Variants in DLGAP2 observed in about 807,000 individuals in gnomAD.
The protein encoded by DLGAP2 is disks large-associated protein 2.
A neutral mutation model predicts 100.3 loss-of-function variants in DLGAP2; 26 were observed. The observed-to-expected ratio is 0.26, with a 90% confidence interval of 0.19 to 0.36. The LOEUF is 0.36. DLGAP2 is among the 10% of genes least tolerant of loss of function. DLGAP2 has a pLI of 1.00. For missense variants in DLGAP2, 1,858 were observed against 1,453.2 expected (o/e 1.28, Z -4.53); for synonymous variants, 886 against 630.1 (o/e 1.41, Z -6.08).
intron 3 of DLGAP2, among the ~76,000 whole-genome samples, chr8:1,365,817 C>T (rs1802095910): frequency 6.6e-6 from 1 of 152,220 alleles, no homozygotes; most frequent in Admixed American, 6.5e-5. Context: ...TGTCTCATGT[C>T]GGGGCCCTGG....
At chr8:938,161 G>A (rs1799114276) in intron 2 of DLGAP2, among the ~76,000 whole-genome samples, 1 of 152,144 alleles carries the variant, frequency 6.6e-6, no homozygotes, top group African/African-American at 2.4e-5. Flanking sequence ...AGGCCACAAA[G>A]CTCAATGACA....
intron 2 of DLGAP2, among the ~76,000 whole-genome samples, chr8:1,142,730 T>C (rs1044304426): frequency 5.3e-5 from 8 of 152,088 alleles, no homozygotes; most frequent in African/African-American, 1.7e-4. Flanking sequence ...CCCTGCATTA[T>C]TGGAGTCAGG....
intron 1 of DLGAP2, among the ~76,000 whole-genome samples, chr8:814,595 C>T (rs540156912): frequency 9.2e-5 from 14 of 151,866 alleles, no homozygotes; most frequent in Non-Finnish European, 8.8e-5. Flanking sequence ...ATTAGAAATA[C>T]TATGAACGTT....
At chr8:1,490,281 C>A (rs1009045714) in intron 3 of DLGAP2, among the ~76,000 whole-genome samples, 1 of 152,204 alleles carries the variant, frequency 6.6e-6, no homozygotes, top group Admixed American at 6.5e-5. Flanking sequence ...ATAATTAGAG[C>A]TGTGATTGCT....
intron 2 of DLGAP2, among the ~76,000 whole-genome samples, chr8:1,189,650 G>C (rs2116725618): frequency 6.6e-6 from 1 of 152,338 alleles, no homozygotes; most frequent in South Asian, 2.1e-4. Flanking sequence ...CCCCATGCCT[G>C]GAAACGGGAT....
intron 8 of DLGAP2, among the ~76,000 whole-genome samples, chr8:1,663,143 TGTGA>T (rs1225305963): frequency 7.7e-6 from 1 of 129,926 alleles, no homozygotes; most frequent in African/African-American, 3.0e-5. Context: ...TGTGTGTATG[TGTGA>T]GTGTGGGGGA....
At chr8:1,417,094 T>C (rs1017396452) in intron 3 of DLGAP2, among the ~76,000 whole-genome samples, 1 of 6,804 alleles carries the variant, frequency 1.5e-4, no homozygotes, top group Non-Finnish European at 2.6e-4. Context: ...GGTGGGGGGA[T>C]GGGGGGGTGG....
intron 5 of DLGAP2, among the ~76,000 whole-genome samples, chr8:1,564,833 T>C (rs930494513): frequency 7.9e-5 from 12 of 151,712 alleles, no homozygotes; most frequent in Non-Finnish European, 5.9e-5. Context: ...ATATATTGCA[T>C]GCACAGGCAG....
At chr8:1,591,195 A>G (rs1490974531) in intron 6 of DLGAP2, among the ~76,000 whole-genome samples, 1 of 152,048 alleles carries the variant, frequency 6.6e-6, no homozygotes, top group African/African-American at 2.4e-5. Context: ...TTCCTATTCA[A>G]AGTTCTGTTC....
intron 2 of DLGAP2, among the ~76,000 whole-genome samples, chr8:1,151,756 T>A (rs1796701621): frequency 6.6e-6 from 1 of 152,222 alleles, no homozygotes; most frequent in South Asian, 2.1e-4. Flanking sequence ...ATCCCCAGGA[T>A]CAGGCATTTA....
chr8:1,156,385 C>T (rs1289412629), intron 2 of DLGAP2, among the ~76,000 whole-genome samples: 8 of 152,296 alleles, frequency 5.3e-5, no homozygotes, highest in Admixed American at 4.6e-4. Context: ...TCACTCTGGA[C>T]GCCCCTGGGT....
At position 1,569,353 on chromosome 8, in the gene DLGAP2, C is replaced by T. The variant is rs115927218; in HGVS notation, c.1442+3459C>T. ...AATCATTCTTTTTCCCTAAATCTGA[C>T]GCCGTGTTGTAGATAATAAAGCAGA... On this transcript the variant is annotated intron_variant, in intron 6 of 14. Coordinates refer to ENST00000637795, the MANE Select transcript of DLGAP2 (RefSeq NM_001346810.2). Among the ~76,000 whole-genome samples the T allele has an allele frequency of 6.7e-3, 1,025 of 152,316 alleles. 15 individuals carry two copies. The highest frequency in any genetic ancestry group is 0.023 in the African/African-American group (973 of 41,568).
chr8:858,633 G>A (rs34626018), intron 1 of DLGAP2, among the ~76,000 whole-genome samples: 91,040 of 146,452 alleles, frequency 0.62, 28,133 homozygotes, highest in East Asian at 0.74. Context: ...CCGTGGGCAC[G>A]TGTGTGATGC....
intron 2 of DLGAP2, among the ~76,000 whole-genome samples, chr8:1,085,581 T>C (rs1468783424): frequency 6.6e-6 from 1 of 152,234 alleles, no homozygotes; most frequent in African/African-American, 2.4e-5. Context: ...AAGCTGTGCA[T>C]GTGTGGGTTC....
chr8:1,319,355 A>G (rs1051102726), intron 3 of DLGAP2, among the ~76,000 whole-genome samples: 1 of 152,222 alleles, frequency 6.6e-6, no homozygotes, highest in African/African-American at 2.4e-5. Flanking sequence ...TCAGAGGTTC[A>G]TGCAGGTGTT....
intron 2 of DLGAP2, among the ~76,000 whole-genome samples, chr8:1,031,315 C>G (rs1357729234): frequency 6.6e-6 from 1 of 152,146 alleles, no homozygotes; most frequent in African/African-American, 2.4e-5. Context: ...TTGATGGCTC[C>G]AGGTCTTGTG....
chr8:1,683,340 C>G (rs891580487), intron 12 of DLGAP2, among the ~76,000 whole-genome samples: 3 of 151,486 alleles, frequency 2.0e-5, no homozygotes, highest in African/African-American at 7.3e-5. Flanking sequence ...AGGCAGAGAA[C>G]TGGGGAACAG....
chr8:1,548,256 T>G (rs1801609215), intron 4 of DLGAP2, among the ~76,000 whole-genome samples: 1 of 151,902 alleles, frequency 6.6e-6, no homozygotes. Context: ...GGTCAGGAGT[T>G]TGAAACTAGC....
intron 1 of DLGAP2, among the ~76,000 whole-genome samples, chr8:889,146 G>A (rs1797983769): frequency 6.6e-6 from 1 of 152,162 alleles, no homozygotes; most frequent in African/African-American, 2.4e-5. Flanking sequence ...ACAAGACAAT[G>A]TCATCAGTTA....
Sources: allele counts gnomAD v4.1 joint callset (sites outside exome capture counted in the v4.1 genomes callset), GRCh38; gene constraint gnomAD v4.1.1; transcripts MANE v1.5; gene names NCBI Gene and HGNC (gene_info 2026-07-23, HGNC 2026-07-21).